The following GGT5 variants were observed in gnomAD, a reference collection of about 807,000 sequenced individuals.
GGT5 encodes glutathione hydrolase 5 proenzyme.
In GGT5, 50 loss-of-function variants were observed where a neutral mutation model predicts 58.1. The observed-to-expected ratio is 0.86, with a 90% CI of 0.69 to 1.09. The LOEUF (loss-of-function observed/expected upper bound fraction) is 1.09, where lower values mean the gene tolerates loss of function less well. Among genes scored for constraint, GGT5 ranks in the 50% least tolerant of loss-of-function variants. The pLI is 0.00. For missense variants in GGT5, 800 were observed against 789.4 expected, an observed-to-expected ratio of 1.01 and a Z score of -0.16; for synonymous variants, 370 against 346.1, an observed-to-expected ratio of 1.07 and a Z score of -0.77.
chr22:24,219,865 G>T lies in GGT5; in HGVS notation c.*105C>A. The stretch of plus-strand genomic sequence containing the variant: ...CTTCCACTCTCAGCTGGACTCCCCT[G>T]CCAGGGGTCCAGATCCTGCCAGAGT... On this transcript the variant is annotated 3_prime_UTR_variant, in exon 12 of 12. Coordinates refer to ENST00000327365, the MANE Select transcript of GGT5 (RefSeq NM_004121.5). The T allele has an allele frequency of 8.7e-7, 1 of 1,155,030 alleles. No homozygotes were observed. Among genetic ancestry groups the T allele is most frequent in the Non-Finnish European group, 1.2e-6 (1 of 800,032 alleles). 71.5% of individuals were successfully genotyped at this position (1,155,030 alleles called of 1,614,324 possible).
Position 24,219,703 on chromosome 22 carries a change from G to A in GGT5, c.*267C>T. The A allele has an allele frequency of 2.1e-6, 1 of 478,168 alleles. No homozygotes were observed. The highest frequency in any genetic ancestry group is 6.0e-4 in the Middle Eastern group (1 of 1,674). 29.6% of individuals were successfully genotyped at this position (478,168 alleles called of 1,614,324 possible). On this transcript the variant is annotated 3_prime_UTR_variant, in exon 12 of 12. Coordinates refer to ENST00000327365, the MANE Select transcript of GGT5 (RefSeq NM_004121.5). ...TCTTGGACTGGAGGATATACAGATCGAGAGGGTGGGAGAGTGGCCCCAGGC... is the reference window on the plus strand; with the variant it reads ...TCTTGGACTGGAGGATATACAGATCAAGAGGGTGGGAGAGTGGCCCCAGGC...
Position 24,233,943 on chromosome 22 carries a change from T to G in GGT5, c.235A>C (p.Ser79Arg), listed in dbSNP as rs200071733. The stretch of plus-strand genomic sequence containing the variant: ...CCCATGCTCTGAGGGTTGACGACGC[T>G]GGTGCAGACCAGAGCCGCGATGGTG... ...DATIAALVCTSVVNPQSMGLG... is the reference protein window; with the variant it reads ...DATIAALVCTRVVNPQSMGLG... The change falls in exon 2 of 12, where the codon AGC becomes CGC. Residue 79 changes from serine (S) to arginine (R), a missense_variant. Transcript: ENST00000327365. The G allele has an allele frequency of 1.2e-6, 2 of 1,613,644 alleles. No homozygotes were observed. The highest frequency in any genetic ancestry group is 8.5e-7 in the Non-Finnish European group (1 of 1,179,604).
At chr22:24,227,717 C>G (rs1319068055) in intron 6 of GGT5, among the ~76,000 whole-genome samples, 1 of 148,096 alleles carries the variant, frequency 6.8e-6, no homozygotes, top group African/African-American at 2.4e-5. Flanking sequence ...AGCCACAAGC[C>G]AAGGAATGCT....
chr22:24,244,178 G>A (rs977167126), intron 1 of GGT5: 3 of 202,126 alleles, frequency 1.5e-5, no homozygotes, highest in Admixed American at 5.5e-5. Flanking sequence ...TCTGCCCCAC[G>A]AGCACACCCT....
chr22:24,233,412 C>A (rs9624434), intron 3 of GGT5, 86 bp downstream of exon 3: 10 of 739,006 alleles, frequency 1.4e-5, no homozygotes, highest in Non-Finnish European at 2.2e-5. Context: ...ACAGCCTGTC[C>A]GTGAGGCGCT....
In GGT5 at chr22:24,219,898, C is replaced by T. The variant is rs1012649551; in HGVS notation, c.*72G>A. On this transcript the variant is annotated 3_prime_UTR_variant, in exon 12 of 12. Coordinates refer to ENST00000327365, the MANE Select transcript of GGT5 (RefSeq NM_004121.5). ...TCCAGATCCTGCCAGAGTAGTTGGT[C>T]CCCCAGCCATGTCCGGCCTGGACAC... The T allele has an allele frequency of 1.3e-6, 2 of 1,482,020 alleles. No individual in the cohort carries two copies. Among genetic ancestry groups the T allele is most frequent in the Non-Finnish European group, 1.9e-6 (2 of 1,071,698 alleles). 91.8% of individuals were successfully genotyped at this position (1,482,020 alleles called of 1,614,324 possible). A position where few individuals can be genotyped will look rare whatever the true frequency, so the allele number is the denominator to read the frequency against.
At chr22:24,244,301 A>G (rs2048406256) in intron 1 of GGT5, 1 of 449,408 alleles carries the variant, frequency 2.2e-6, no homozygotes, top group South Asian at 3.0e-5. Context: ...ACGTGCACAC[A>G]CACACACACA....
intron 1 of GGT5, chr22:24,244,316 CCCACCCACACATACACAT>C (rs1044111244): frequency 3.2e-5 from 11 of 340,492 alleles, no homozygotes; most frequent in African/African-American, 2.5e-4. Context: ...CACACACACA[CCCACCCACACATACACAT>C]ACCCACACAC....
chr22:24,222,919 T>TGC (rs1165659185), intron 11 of GGT5, among the ~76,000 whole-genome samples: 2 of 150,422 alleles, frequency 1.3e-5, no homozygotes, highest in Non-Finnish European at 3.0e-5. Flanking sequence ...CTACTAAAAA[T>TGC]ACAAAAAATT....
chr22:24,233,139 G>A (rs759387578), intron 3 of GGT5, 121 bp from the exon 4 acceptor site: 37 of 727,890 alleles, frequency 5.1e-5, no homozygotes, highest in African/African-American at 4.7e-4. Context: ...GCCCACACCC[G>A]ACCACGTCCC....
intron 11 of GGT5, chr22:24,220,565 A>G: frequency 2.2e-6 from 1 of 455,812 alleles, no homozygotes; most frequent in Admixed American, 2.4e-5. Flanking sequence ...CAGCCTGGGC[A>G]ATGCAGCAAG....
chr22:24,220,186 G>C, intron 11 of GGT5, 70 bp from the exon 12 acceptor site: 1 of 1,466,770 alleles, frequency 6.8e-7, no homozygotes, highest in Non-Finnish European at 9.4e-7. Flanking sequence ...AGAGGCCTCT[G>C]CAAGAAATGA....
chr22:24,242,692 T>A (rs1229577218), intron 1 of GGT5: 2 of 152,412 alleles, frequency 1.3e-5, no homozygotes, highest in Middle Eastern at 3.4e-3. Context: ...GTCAGGAGCA[T>A]GGGCTTCTGG....
rs2047533268 is a variant in GGT5 at position 24,219,707 on chromosome 22, G to A, written c.*263C>T. Reference sequence around the variant, plus strand: ...GGACTGGAGGATATACAGATCGAGAGGGTGGGAGAGTGGCCCCAGGCAAGA... The same window carrying A: ...GGACTGGAGGATATACAGATCGAGAAGGTGGGAGAGTGGCCCCAGGCAAGA... On this transcript the variant is annotated 3_prime_UTR_variant, in exon 12 of 12. Transcript: ENST00000327365. 1 of 500,204 alleles carries A rather than the reference G, an allele frequency of 2.0e-6. No individual in the cohort carries two copies. The highest frequency in any genetic ancestry group is 3.6e-6 in the Non-Finnish European group (1 of 276,032). The allele number at this position is 500,204 out of a possible 1,614,324, so 31.0% of individuals were successfully genotyped here.
intron 10 of GGT5, 52 bp downstream of exon 10, chr22:24,225,193 G>T: frequency 6.3e-7 from 1 of 1,596,138 alleles, no homozygotes; most frequent in South Asian, 1.1e-5. Flanking sequence ...GAGACAGTCA[G>T]ACAGTATGCT....
chr22:24,233,730 T>C, intron 2 of GGT5, 137 bp from the exon 3 acceptor site: 1 of 916,084 alleles, frequency 1.1e-6, no homozygotes, highest in Non-Finnish European at 1.7e-6. Flanking sequence ...ACAAGGGCTT[T>C]GCACAGCTGA....
downstream of GGT5, chr22:24,219,658 G>A: frequency 3.2e-6 from 1 of 309,008 alleles, no homozygotes; most frequent in Non-Finnish European, 6.1e-6. Context: ...ATGGAATCAG[G>A]CCACAGTCCG....
chr22:24,233,950 G>T lies in GGT5; in HGVS notation c.228C>A (p.Val76=). 1 of 1,613,486 alleles carries T rather than the reference G, an allele frequency of 6.2e-7. No individual in the cohort carries two copies. The highest frequency in any genetic ancestry group is 8.5e-7 in the Non-Finnish European group (1 of 1,179,506). Residue 76 remains valine, a synonymous_variant, in exon 2 of 12, where the codon GTC becomes GTA. Coordinates refer to ENST00000327365, the MANE Select transcript of GGT5 (RefSeq NM_004121.5). ...SPVDATIAAL[V]CTSVVNPQSM... is the part of the protein sequence containing the mutation. Reference sequence around the variant, plus strand: ...TCTGAGGGTTGACGACGCTGGTGCAGACCAGAGCCGCGATGGTGGCATCCA... The same window carrying T: ...TCTGAGGGTTGACGACGCTGGTGCATACCAGAGCCGCGATGGTGGCATCCA...
intron 2 of GGT5, 55 bp downstream of exon 2, chr22:24,233,819 A>C (rs1350211750): frequency 1.9e-6 from 3 of 1,540,356 alleles, no homozygotes; most frequent in Non-Finnish European, 2.7e-6. Flanking sequence ...AGAAGGGGTT[A>C]CGCAGTGGTG....
Sources: allele counts gnomAD v4.1 joint callset (sites outside exome capture counted in the v4.1 genomes callset), GRCh38; gene constraint gnomAD v4.1.1; transcripts MANE v1.5; gene names NCBI Gene and HGNC (gene_info 2026-07-23, HGNC 2026-07-21).